The following IL6R variants were observed in gnomAD, a reference collection of about 807,000 sequenced individuals.
The protein encoded by IL6R is interleukin-6 receptor subunit alpha.
Under a neutral mutation model 48.3 loss-of-function variants are expected in IL6R, and 38 were observed. That is an observed-to-expected ratio of 0.79 (90% CI 0.61 to 1.03). The LOEUF is 1.03. IL6R is among the 50% of genes least tolerant of loss of function. The probability of loss-of-function intolerance (pLI) is 0.00; values close to 1 mark genes in which losing one functional copy is unlikely to be tolerated. For synonymous variants in IL6R, 264 were observed against 256.2 expected (o/e 1.03, Z -0.29); for missense variants, 534 against 618.3 (o/e 0.86, Z 1.45).
rs978023222 is a variant in IL6R at position 154,465,173 on chromosome 1, C to G, written c.1200C>G (p.Gly400=). The stretch of plus-strand genomic sequence containing the variant: ...GGAAGCTGCGGGCTCTGAAGGAAGG[C>G]AAGACAAGCATGCATCCGCCGTACT... ...KTWKLRALKE[G]KTSMHPPYSL... Residue 400 remains glycine, a synonymous_variant, in exon 10 of 10, where the codon GGC becomes GGG. Transcript: ENST00000368485. 6.2e-7 allele frequency: 1 copy of G among 1,614,032 alleles called. No individual in the cohort carries two copies. Among genetic ancestry groups the G allele is most frequent in the Non-Finnish European group, 8.5e-7 (1 of 1,180,032 alleles).
intron 1 of IL6R, among the ~76,000 whole-genome samples, chr1:154,410,094 C>A (rs1297224749): frequency 2.0e-5 from 3 of 152,102 alleles, no homozygotes; most frequent in African/African-American, 4.8e-5. Context: ...CATGGATGCT[C>A]CCTGCCCTGG....
intron 7 of IL6R, among the ~76,000 whole-genome samples, chr1:154,448,593 TC>T (rs1690406932): frequency 6.6e-6 from 1 of 152,226 alleles, no homozygotes; most frequent in African/African-American, 2.4e-5. Flanking sequence ...CTATATCTCC[TC>T]CTGTGGCCCT....
intron 7 of IL6R, 147 bp from the exon 8 acceptor site, chr1:154,449,764 G>A: frequency 1.6e-6 from 1 of 644,890 alleles, no homozygotes; most frequent in East Asian, 2.7e-5. Flanking sequence ...TAGTATTATT[G>A]ATTTTTCCAC....
intron 9 of IL6R, among the ~76,000 whole-genome samples, chr1:154,458,345 G>A (rs1054658271): frequency 1.3e-5 from 2 of 152,164 alleles, no homozygotes; most frequent in African/African-American, 4.8e-5. Flanking sequence ...TTAATGAGTA[G>A]AGGTAGCTCC....
At chr1:154,427,158 C>T (rs944308972) in intron 1 of IL6R, among the ~76,000 whole-genome samples, 1 of 152,104 alleles carries the variant, frequency 6.6e-6, no homozygotes, top group Non-Finnish European at 1.5e-5. Context: ...GACTTGTGAT[C>T]CGTCTCGCCT....
chr1:154,406,148 C>T (rs1032185447), intron 1 of IL6R, among the ~76,000 whole-genome samples: 5 of 152,182 alleles, frequency 3.3e-5, no homozygotes, highest in African/African-American at 7.2e-5. Context: ...CCCCTCTTCT[C>T]CCTCTGCATT....
intron 9 of IL6R, among the ~76,000 whole-genome samples, chr1:154,456,013 C>T (rs952265818): frequency 4.6e-5 from 7 of 151,626 alleles, no homozygotes; most frequent in South Asian, 4.2e-4. Context: ...GCCAAGATTG[C>T]GCCACTGCAA....
At chr1:154,407,106 T>C (rs1687770332) in intron 1 of IL6R, among the ~76,000 whole-genome samples, 1 of 152,128 alleles carries the variant, frequency 6.6e-6, no homozygotes, top group Non-Finnish European at 1.5e-5. Flanking sequence ...TGGGGCAAGC[T>C]GAGAGTCACT....
chr1:154,438,846 C>T (rs1689778766), intron 6 of IL6R, among the ~76,000 whole-genome samples: 1 of 152,152 alleles, frequency 6.6e-6, no homozygotes, highest in South Asian at 2.1e-4. Flanking sequence ...TGGCACTTTC[C>T]TTGTTCATCA....
In IL6R at chr1:154,449,986, G is replaced by T; in HGVS notation, c.1066+6G>T. On this transcript the variant is annotated splice_donor_region_variant and intron_variant, in intron 8 of 9. Coordinates refer to ENST00000368485, the MANE Select transcript of IL6R (RefSeq NM_000565.4). ...AAATGCGACAAGCCTCCCAGGTAAGGACTGGGTATTTTCATATTCCCAGGG... is the reference window on the plus strand; with the variant it reads ...AAATGCGACAAGCCTCCCAGGTAAGTACTGGGTATTTTCATATTCCCAGGG... 1.3e-6 allele frequency: 2 copies of T among 1,577,766 alleles called. No homozygotes were observed. Among genetic ancestry groups the T allele is most frequent in the Non-Finnish European group, 1.7e-6 (2 of 1,146,904 alleles).
At chr1:154,416,387 C>T (rs184339975) in intron 1 of IL6R, among the ~76,000 whole-genome samples, 1 of 151,938 alleles carries the variant, frequency 6.6e-6, no homozygotes, top group Non-Finnish European at 1.5e-5. Context: ...TCAAGAGATC[C>T]TCCCGCCTCA....
At chr1:154,459,027 G>A (rs1691090643) in intron 9 of IL6R, among the ~76,000 whole-genome samples, 1 of 152,170 alleles carries the variant, frequency 6.6e-6, no homozygotes, top group African/African-American at 2.4e-5. Flanking sequence ...GCCCCCAAAG[G>A]TAAAATGACT....
rs1571024007 is a variant in IL6R at position 154,465,954 on chromosome 1, C to T, written c.*574C>T. 6.4e-6 allele frequency: 1 copy of T among 155,966 alleles called. No homozygotes were observed. The highest frequency in any genetic ancestry group is 2.4e-5 in the African/African-American group (1 of 41,444). The allele number at this position is 155,966 out of a possible 1,614,324, so 9.7% of individuals were successfully genotyped here. ...AGAAGCTCTCTCCTCCCTTTCTTCC[C>T]TACAGTTGAAAAACAGCTGAGGGTG... On this transcript the variant is annotated 3_prime_UTR_variant, in exon 10 of 10. Transcript: ENST00000368485.
In IL6R at chr1:154,465,464, C is replaced by G; in HGVS notation, c.*84C>G. ...GCAAAAGATGCTTCTCACTGCCATG[C>G]CAGCTTATCTCAGGGGTGTGCGGCC... On this transcript the variant is annotated 3_prime_UTR_variant, in exon 10 of 10. Coordinates refer to ENST00000368485, the MANE Select transcript of IL6R (RefSeq NM_000565.4). 1.3e-6 allele frequency: 2 copies of G among 1,497,234 alleles called. No individual in the cohort carries two copies. The highest frequency in any genetic ancestry group is 1.9e-6 in the Non-Finnish European group (2 of 1,080,796). The allele number at this position is 1,497,234 out of a possible 1,614,324, so 92.7% of individuals were successfully genotyped here.
chr1:154,426,212 A>G (rs1688959757), intron 1 of IL6R, among the ~76,000 whole-genome samples: 1 of 151,846 alleles, frequency 6.6e-6, no homozygotes, highest in East Asian at 1.9e-4. Flanking sequence ...ACACAAAGGA[A>G]GTTCGAGAAA....
chr1:154,414,482 G>T, intron 1 of IL6R: 2 of 990,836 alleles, frequency 2.0e-6, no homozygotes, highest in East Asian at 2.7e-5. Flanking sequence ...TTAGTTGTTG[G>T]GGCCCGGGAC....
chr1:154,409,329 T>C (rs967854990), intron 1 of IL6R, among the ~76,000 whole-genome samples: 1 of 152,160 alleles, frequency 6.6e-6, no homozygotes, highest in Non-Finnish European at 1.5e-5. Flanking sequence ...CCAGAGGTTT[T>C]CTGTTCTCTT....
At chr1:154,451,642 T>G (rs1690587319) in intron 8 of IL6R, among the ~76,000 whole-genome samples, 1 of 151,976 alleles carries the variant, frequency 6.6e-6, no homozygotes, top group African/African-American at 2.4e-5. Flanking sequence ...CGTCAAGCGA[T>G]TCTCCTGCCT....
intron 9 of IL6R, among the ~76,000 whole-genome samples, chr1:154,459,879 T>C (rs751350455): frequency 3.7e-4 from 56 of 152,226 alleles, no homozygotes; most frequent in Non-Finnish European, 6.3e-4. Context: ...TGTGTATGCC[T>C]ATGACTTAAA....
Sources: allele counts gnomAD v4.1 joint callset (sites outside exome capture counted in the v4.1 genomes callset), GRCh38; gene constraint gnomAD v4.1.1; transcripts MANE v1.5; gene names NCBI Gene and HGNC (gene_info 2026-07-23, HGNC 2026-07-21).